The following TMEM52 variants were observed in gnomAD, a reference collection of about 807,000 sequenced individuals.
TMEM52 encodes transmembrane protein 52.
In TMEM52, 14 loss-of-function variants were observed where a neutral mutation model predicts 16.2. The observed-to-expected ratio is 0.87, with a 90% CI of 0.57 to 1.35. The LOEUF is 1.35. Among genes scored for constraint, TMEM52 ranks in the 40% most tolerant of loss-of-function variants. The pLI is 0.00. For synonymous variants in TMEM52, 136 were observed against 124.7 expected, an observed-to-expected ratio of 1.09 and a Z score of -0.60; for missense variants, 309 against 278.6, an observed-to-expected ratio of 1.11 and a Z score of -0.78.
chr1:1,919,127 G>T, intron 1 of TMEM52, 39 bp from the exon 2 acceptor site: 1 of 1,360,010 alleles, frequency 7.4e-7, no homozygotes, highest in South Asian at 1.8e-5. Context: ...GGCGTGGTCC[G>T]AGCAGGGACC....
chr1:1,917,776 T>C lies in TMEM52; in HGVS notation c.*106A>G, dbSNP rs1466323488. The C allele has an allele frequency of 7.7e-7, 1 of 1,299,170 alleles. No homozygotes were observed. Among genetic ancestry groups the C allele is most frequent in the Middle Eastern group, 2.0e-4 (1 of 4,982 alleles). 80.5% of individuals were successfully genotyped at this position (1,299,170 alleles called of 1,614,324 possible). A position where few individuals can be genotyped will look rare whatever the true frequency, so the allele number is the denominator to read the frequency against. ...GGTGACGCCAGGGGCCGGTGTAACATGGCACCGAGGTTGGGGCCACAGCAA... is the reference window on the plus strand; with the variant it reads ...GGTGACGCCAGGGGCCGGTGTAACACGGCACCGAGGTTGGGGCCACAGCAA... On this transcript the variant is annotated 3_prime_UTR_variant, in exon 5 of 5. Transcript: ENST00000310991.
rs767781348 is a variant in TMEM52 at position 1,917,833 on chromosome 1, T to G, written c.*49A>C. The G allele has an allele frequency of 2.5e-6, 4 of 1,577,630 alleles. No individual in the cohort carries two copies. Among genetic ancestry groups the G allele is most frequent in the Non-Finnish European group, 3.5e-6 (4 of 1,157,354 alleles). On this transcript the variant is annotated 3_prime_UTR_variant, in exon 5 of 5. Coordinates refer to ENST00000310991, the MANE Select transcript of TMEM52 (RefSeq NM_178545.4). Reference sequence around the variant, plus strand: ...GGACGGTGGGGTGGGCTGGGGCCCTTGGCTCCAAGCATTAGTTCTCCAAGC... The same window carrying G: ...GGACGGTGGGGTGGGCTGGGGCCCTGGGCTCCAAGCATTAGTTCTCCAAGC...
rs374758283 is a variant in TMEM52 at position 1,918,377 on chromosome 1, A to G, written c.225T>C (p.Cys75=). ...LLLLCGVTAG[C]VRFCCLRKQA... ...GCTTCCGGAGGCAGCAGAACCGGACACAACCAGCTGTGACACCACACAGCA... is the reference window on the plus strand; with the variant it reads ...GCTTCCGGAGGCAGCAGAACCGGACGCAACCAGCTGTGACACCACACAGCA... The change falls in exon 4 of 5, where the codon TGT becomes TGC. Residue 75 remains cysteine (C), a synonymous_variant. Coordinates refer to ENST00000310991, the MANE Select transcript of TMEM52 (RefSeq NM_178545.4). 16 of 1,612,614 alleles carry G rather than the reference A, an allele frequency of 9.9e-6. No homozygotes were observed. In the African/African-American group the frequency reaches 2.1e-4, roughly 22 times the overall value.
rs1651250765 is a variant in TMEM52 at position 1,919,070 on chromosome 1, C to T, written c.103G>A (p.Asp35Asn). The T allele has an allele frequency of 2.2e-6, 3 of 1,339,890 alleles. No individual in the cohort carries two copies. The highest frequency in any genetic ancestry group is 1.9e-6 in the Non-Finnish European group (2 of 1,049,480). The allele number at this position is 1,339,890 out of a possible 1,614,324, so 83.0% of individuals were successfully genotyped here. The change falls in exon 2 of 5, where the codon GAC becomes AAC. Residue 35 changes from aspartate to asparagine, a missense_variant. Coordinates refer to ENST00000310991, the MANE Select transcript of TMEM52 (RefSeq NM_178545.4). ...TGGTCCGAGGGGTCGCAGCTGCCGTCCGCGAAGCCCAGCGCCACCTGTGGG... is the reference window on the plus strand; with the variant it reads ...TGGTCCGAGGGGTCGCAGCTGCCGTTCGCGAAGCCCAGCGCCACCTGTGGG... The part of the protein sequence containing the change: ...PLPQVALGFA[D>N]GSCDPSDQCP...
At chr1:1,919,110 CGGGAGGGGCGTGGT>C in intron 1 of TMEM52, 22 bp from the exon 2 acceptor site, 1 of 1,349,282 alleles carries the variant, frequency 7.4e-7, no homozygotes, top group Non-Finnish European at 9.5e-7. Flanking sequence ...AGGGTGAGCC[CGGGAGGGGCGTGGT>C]CCGAGCAGGG....
chr1:1,919,277 G>T lies in TMEM52; in HGVS notation c.-12C>A. The T allele has an allele frequency of 7.2e-7, 1 of 1,379,728 alleles. No individual in the cohort carries two copies. Among genetic ancestry groups the T allele is most frequent in the Non-Finnish European group, 9.3e-7 (1 of 1,076,810 alleles). 85.5% of individuals were successfully genotyped at this position (1,379,728 alleles called of 1,614,324 possible). ...GGCCCCCGGGCCATGCTCTGAGGAG[G>T]TTGGAGCAAAGCCCGGCGGCGCGGC... On this transcript the variant is annotated 5_prime_UTR_variant, in exon 1 of 5. Transcript: ENST00000310991.
chr1:1,918,461 G>A (rs1651227169), intron 3 of TMEM52, 30 bp from the exon 4 acceptor site: 3 of 1,592,332 alleles, frequency 1.9e-6, no homozygotes, highest in African/African-American at 2.7e-5. Flanking sequence ...CCACTGGACT[G>A]ACCCTCGGCC....
At position 1,917,923 on chromosome 1, in the gene TMEM52, G is replaced by A; in HGVS notation, c.589C>T (p.Pro197Ser). 6.2e-7 allele frequency: 1 copy of A among 1,613,822 alleles called. No individual in the cohort carries two copies. The highest frequency in any genetic ancestry group is 8.5e-7 in the Non-Finnish European group (1 of 1,180,000). Residue 197 changes from proline to serine, a missense_variant, in exon 5 of 5, where the codon CCC (proline) becomes TCC (serine). Pro to Ser is a moderately conservative substitution (Grantham distance 74). Coordinates refer to ENST00000310991, the MANE Select transcript of TMEM52 (RefSeq NM_178545.4). ...ETTPVPQESG[P>S]NTQLPPCSPG... ...CTACAAGGTGGTAGTTGAGTATTGG[G>A]GCCCGACTCCTGGGGCACTGGAGTG...
intron 3 of TMEM52, 52 bp downstream of exon 3, chr1:1,918,841 A>T: frequency 6.7e-7 from 1 of 1,484,120 alleles, no homozygotes; most frequent in Non-Finnish European, 8.9e-7. Flanking sequence ...GGCCCCGGTG[A>T]CCCCCGCCCC....
chr1:1,917,952 T>C lies in TMEM52; in HGVS notation c.560A>G (p.Glu187Gly), dbSNP rs1171548534. 6.8e-6 allele frequency: 11 copies of C among 1,613,882 alleles called. No individual in the cohort carries two copies. The highest frequency in any genetic ancestry group is 9.3e-6 in the Non-Finnish European group (11 of 1,180,002). ...PSPLLGASGL[E>G]TTPVPQESGP... ...CGACTCCTGGGGCACTGGAGTGGTC[T>C]CTAGGCCCGAGGCCCCAAGGAGAGG... The change falls in exon 5 of 5, where the codon GAG (glutamate) becomes GGG (glycine). Residue 187 changes from glutamate (E) to glycine (G), a missense_variant. Physicochemically the swap from Glu to Gly is moderately conservative, Grantham distance 98. Coordinates refer to ENST00000310991, the MANE Select transcript of TMEM52 (RefSeq NM_178545.4).
chr1:1,919,209 C>T lies in TMEM52; in HGVS notation c.57G>A (p.Pro19=), dbSNP rs1349030497. The T allele has an allele frequency of 2.9e-6, 4 of 1,366,066 alleles. No homozygotes were observed. Among genetic ancestry groups the T allele is most frequent in the Admixed American group, 4.0e-5 (1 of 24,974 alleles). The allele number at this position is 1,366,066 out of a possible 1,614,324, so 84.6% of individuals were successfully genotyped here. Residue 19 remains proline (P), a synonymous_variant, in exon 1 of 5, where the codon CCG becomes CCA. Coordinates refer to ENST00000310991, the MANE Select transcript of TMEM52 (RefSeq NM_178545.4). The part of the protein sequence containing the change: ...RGLRLLLPLL[P]LLPLLPLPQV... ...GCGGCAGCGGCAGGAGCGGCAGGAG[C>T]GGCAGGAGCGGCAGCAGCAGCCGCA...
rs199573868 is a variant in TMEM52, at chr1:1,917,956, G to C, written c.556C>G (p.Leu186Val). The C allele has an allele frequency of 1.3e-4, 203 of 1,613,810 alleles. No individual in the cohort carries two copies. The highest frequency in any genetic ancestry group is 1.6e-4 in the Non-Finnish European group (187 of 1,180,034). ...TCCTGGGGCACTGGAGTGGTCTCTAGGCCCGAGGCCCCAAGGAGAGGGCTG... is the reference window on the plus strand; with the variant it reads ...TCCTGGGGCACTGGAGTGGTCTCTACGCCCGAGGCCCCAAGGAGAGGGCTG... ...KPSPLLGASG[L>V]ETTPVPQESG... Residue 186 changes from leucine to valine, a missense_variant, in exon 5 of 5, where the codon CTA becomes GTA. Leu to Val is a conservative substitution (Grantham distance 32). Transcript: ENST00000310991.
rs1199897433 is a variant in TMEM52, at chr1:1,919,068, G to A, written c.105C>T (p.Asp35=). Residue 35 remains aspartate (D), a synonymous_variant, in exon 2 of 5, where the codon GAC becomes GAT. Coordinates refer to ENST00000310991, the MANE Select transcript of TMEM52 (RefSeq NM_178545.4). The stretch of plus-strand genomic sequence containing the variant: ...ACTGGTCCGAGGGGTCGCAGCTGCC[G>A]TCCGCGAAGCCCAGCGCCACCTGTG... ...PLPQVALGFA[D]GSCDPSDQCP... 2 of 1,339,714 alleles carry A rather than the reference G, an allele frequency of 1.5e-6. No homozygotes were observed. The highest frequency in any genetic ancestry group is 1.9e-5 in the South Asian group (1 of 51,410). The allele number at this position is 1,339,714 out of a possible 1,614,324, so 83.0% of individuals were successfully genotyped here. A position where few individuals can be genotyped will look rare whatever the true frequency, so the allele number is the denominator to read the frequency against.
At position 1,917,792 on chromosome 1, in the gene TMEM52, G is replaced by T; in HGVS notation, c.*90C>A. 7.1e-7 allele frequency: 1 copy of T among 1,413,640 alleles called. No homozygotes were observed. The highest frequency in any genetic ancestry group is 9.7e-7 in the Non-Finnish European group (1 of 1,029,708). The allele number at this position is 1,413,640 out of a possible 1,614,324, so 87.6% of individuals were successfully genotyped here. A position where few individuals can be genotyped will look rare whatever the true frequency, so the allele number is the denominator to read the frequency against. ...GGTGTAACATGGCACCGAGGTTGGG[G>T]CCACAGCAATGTGTGGGACGGTGGG... On this transcript the variant is annotated 3_prime_UTR_variant, in exon 5 of 5. Transcript: ENST00000310991.
rs36071779 is a variant in TMEM52 at position 1,918,311 on chromosome 1, G to A, written c.291C>T (p.Pro97=). Residue 97 remains proline (P), a synonymous_variant, in exon 4 of 5, where the codon CCC becomes CCT. Coordinates refer to ENST00000310991, the MANE Select transcript of TMEM52 (RefSeq NM_178545.4). ...CCATAGGGATGACTGCCACGTCGCA[G>A]GGCTGCCGTGCTGGTGGCAGATGTG... is the stretch of plus-strand genomic sequence containing the variant. The part of the protein sequence containing the change: ...AQPHLPPARQ[P]CDVAVIPMDS... 8.5e-4 allele frequency: 1,378 copies of A among 1,612,920 alleles called. 12 individuals are homozygous for A. The African/African-American group carries it at 0.016, about 19-fold the overall frequency.
chr1:1,918,240 C>T lies in TMEM52; in HGVS notation c.349+13G>A. The T allele has an allele frequency of 2.5e-6, 4 of 1,608,878 alleles. No homozygotes were observed. The highest frequency in any genetic ancestry group is 3.4e-6 in the Non-Finnish European group (4 of 1,176,816). ...CATCTCCACCCTCAACTGGCGGGCC[C>T]CTAGGCACTCACAGGTCACAGTGCT... On this transcript the variant is annotated intron_variant, in intron 4 of 4. Transcript: ENST00000310991.
chr1:1,918,327 G>A lies in TMEM52; in HGVS notation c.275C>T (p.Pro92Leu). ...CACGTCGCAGGGCTGCCGTGCTGGTGGCAGATGTGGCTGGGCCTGTGCCTG... is the reference window on the plus strand; with the variant it reads ...CACGTCGCAGGGCTGCCGTGCTGGTAGCAGATGTGGCTGGGCCTGTGCCTG... ...RKQAQAQPHL[P>L]PARQPCDVAV... Residue 92 changes from proline (P) to leucine (L), a missense_variant, in exon 4 of 5, where the codon CCA (proline) becomes CTA (leucine). Coordinates refer to ENST00000310991, the MANE Select transcript of TMEM52 (RefSeq NM_178545.4). 1 of 1,612,952 alleles carries A rather than the reference G, an allele frequency of 6.2e-7. No individual in the cohort carries two copies. The highest frequency in any genetic ancestry group is 8.5e-7 in the Non-Finnish European group (1 of 1,179,992).
Position 1,919,033 on chromosome 1 carries a change from C to A in TMEM52, c.128+12G>T. 2 of 1,338,248 alleles carry A rather than the reference C, an allele frequency of 1.5e-6. No individual in the cohort carries two copies. The highest frequency in any genetic ancestry group is 1.9e-5 in the South Asian group (1 of 51,452). The allele number at this position is 1,338,248 out of a possible 1,614,324, so 82.9% of individuals were successfully genotyped here. On this transcript the variant is annotated intron_variant, in intron 2 of 4. Transcript: ENST00000310991. ...GCGGGGCCAGGCCCCGGCTCCCTCCCCCCCGACTTACTGGTCCGAGGGGTC... is the reference window on the plus strand; with the variant it reads ...GCGGGGCCAGGCCCCGGCTCCCTCCACCCCGACTTACTGGTCCGAGGGGTC...
chr1:1,919,032 C>A lies in TMEM52; in HGVS notation c.128+13G>T, dbSNP rs560617687. ...GGCGGGGCCAGGCCCCGGCTCCCTC[C>A]CCCCCGACTTACTGGTCCGAGGGGT... On this transcript the variant is annotated intron_variant, in intron 2 of 4. Coordinates refer to ENST00000310991, the MANE Select transcript of TMEM52 (RefSeq NM_178545.4). The A allele has an allele frequency of 7.5e-7, 1 of 1,337,960 alleles. No homozygotes were observed. Among genetic ancestry groups the A allele is most frequent in the Non-Finnish European group, 9.5e-7 (1 of 1,048,876 alleles). 82.9% of individuals were successfully genotyped at this position (1,337,960 alleles called of 1,614,324 possible).
Sources: allele counts gnomAD v4.1 joint callset, GRCh38; gene constraint gnomAD v4.1.1; transcripts MANE v1.5; gene names NCBI Gene and HGNC (gene_info 2026-07-23, HGNC 2026-07-21).